Variants in RUVBL1 observed in about 807,000 individuals in gnomAD.
RUVBL1 encodes ruvB-like 1.
Under a neutral mutation model 52.4 loss-of-function variants are expected in RUVBL1, and 4 were observed. The ratio of observed to expected loss-of-function variants is 0.08; its 90% CI spans 0.04 to 0.17. The LOEUF is 0.17. Among genes scored for constraint, RUVBL1 ranks in the 10% least tolerant of loss-of-function variants. The pLI, the probability that RUVBL1 is intolerant of heterozygous loss-of-function variation, is 1.00. For synonymous variants in RUVBL1, 217 were observed against 214.4 expected, an observed-to-expected ratio of 1.01 and a Z score of -0.10; for missense variants, 298 against 572.8, an observed-to-expected ratio of 0.52 and a Z score of 4.90.
At position 128,081,402 on chromosome 3, in the gene RUVBL1, C is replaced by A. The variant is rs752496410; in HGVS notation, c.1219G>T (p.Val407Leu). 3 of 1,613,768 alleles carry A rather than the reference C, an allele frequency of 1.9e-6. No homozygotes were observed. Among genetic ancestry groups the A allele is most frequent in the South Asian group, 2.2e-5 (2 of 91,070 alleles). Residue 407 changes from valine (V) to leucine (L), a missense_variant, in exon 11 of 11, where the codon GTG (valine) becomes TTG (leucine). This residue lies in a region of RUVBL1 where 161 missense variants were observed against 298.3 expected (regional missense o/e 0.54). Transcript: ENST00000322623. The surrounding 1 kb of genome is among the most constrained non-coding windows in gnomAD (Gnocchi z 4.8). Reference sequence around the variant, plus strand: ...AAGTTGGCCGGGGTCAGCAGCTGCACTGAGTACCTAGAGTGGACAGGGGCC... The same window carrying A: ...AAGTTGGCCGGGGTCAGCAGCTGCAATGAGTACCTAGAGTGGACAGGGGCC... ...IGTKTTLRYSVQLLTPANLLA... is the reference protein window; with the variant it reads ...IGTKTTLRYSLQLLTPANLLA...
At chr3:128,122,805 T>C (rs1352189179) in intron 1 of RUVBL1, among the ~76,000 whole-genome samples, 1 of 152,220 alleles carries the variant, frequency 6.6e-6, no homozygotes, top group Non-Finnish European at 1.5e-5. Context: ...GAAATACACG[T>C]GGGTGCAAAC....
rs1033484863 is a variant in RUVBL1 at position 128,082,276 on chromosome 3, C to G, written c.1211+207G>C. The G allele has an allele frequency of 1.9e-6, 1 of 539,048 alleles. No individual in the cohort carries two copies. Among genetic ancestry groups the G allele is most frequent in the Non-Finnish European group, 3.3e-6 (1 of 299,412 alleles). 33.4% of individuals were successfully genotyped at this position (539,048 alleles called of 1,614,324 possible). A position where few individuals can be genotyped will look rare whatever the true frequency, so the allele number is the denominator to read the frequency against. On this transcript the variant is annotated intron_variant, in intron 10 of 10. Coordinates refer to ENST00000322623, the MANE Select transcript of RUVBL1 (RefSeq NM_003707.3). The surrounding 1 kb of genome is among the most constrained non-coding windows in gnomAD (Gnocchi z 4.7). The stretch of plus-strand genomic sequence containing the variant: ...GAGCATCTGCTGCAGGACATGGGGA[C>G]TTCACCCTTACTCTAGCTTGTTAAA...
rs376526086 is a variant in RUVBL1 at position 128,110,069 on chromosome 3, G to A, written c.361+2819C>T. Among the ~76,000 whole-genome samples, 111 of 151,884 alleles carry A rather than the reference G, an allele frequency of 7.3e-4. 2 individuals are homozygous for A. The highest frequency in any genetic ancestry group is 2.2e-3 in the African/African-American group (90 of 41,416). On this transcript the variant is annotated intron_variant, in intron 3 of 10. Transcript: ENST00000322623. Reference sequence around the variant, plus strand: ...TGACCTCAGGTGATCCACCGGCCTCGGCCTCCCAAAGTGCTGGGATTACAG... The same window carrying A: ...TGACCTCAGGTGATCCACCGGCCTCAGCCTCCCAAAGTGCTGGGATTACAG...
At chr3:128,153,002 G>C (rs867042508) in intron 1 of RUVBL1, among the ~76,000 whole-genome samples, 10 of 37,726 alleles carry the variant, frequency 2.7e-4, no homozygotes, top group African/African-American at 1.0e-3. Flanking sequence ...CGCCCCCCCC[G>C]CCCCCCTTCG....
At chr3:128,099,068 C>A (rs762969414) in intron 6 of RUVBL1, 123 bp from the exon 7 acceptor site, 25 of 765,444 alleles carry the variant, frequency 3.3e-5, no homozygotes, top group Middle Eastern at 2.3e-4. Flanking sequence ...CTCCTCAAAG[C>A]CTGAGGAGCT....
intron 9 of RUVBL1, chr3:128,069,705 C>A (rs750349006): frequency 6.3e-7 from 1 of 1,576,682 alleles, no homozygotes; most frequent in Admixed American, 1.7e-5. Context: ...CCAGAAGCGC[C>A]TCGGAAGGGG....
At chr3:128,147,307 T>C (rs1336270388) in intron 1 of RUVBL1, among the ~76,000 whole-genome samples, 1 of 152,092 alleles carries the variant, frequency 6.6e-6, no homozygotes, top group African/African-American at 2.4e-5. Context: ...TGGGCTCAAA[T>C]GATCTTCCCA....
At chr3:128,124,945 T>C (rs1185149651), upstream of RUVBL1, among the ~76,000 whole-genome samples, 1 of 150,416 alleles carries the variant, frequency 6.6e-6, no homozygotes, top group East Asian at 1.9e-4. Context: ...GAGTTTATGT[T>C]AGAATTGAGA....
At chr3:128,152,588 GCACT>G (rs1944238327) in intron 1 of RUVBL1, among the ~76,000 whole-genome samples, 1 of 152,164 alleles carries the variant, frequency 6.6e-6, no homozygotes, top group South Asian at 2.1e-4. Flanking sequence ...ATATTAGCGG[GCACT>G]GTAGCCCAGC....
chr3:128,089,036 C>T (rs1020934604), intron 8 of RUVBL1, among the ~76,000 whole-genome samples: 1 of 152,038 alleles, frequency 6.6e-6, no homozygotes, highest in Non-Finnish European at 1.5e-5. Flanking sequence ...ATAGCACTAC[C>T]GAGTATTCTC....
intron 9 of RUVBL1, chr3:128,068,918 A>G (rs1188436918): frequency 6.6e-6 from 1 of 152,368 alleles, no homozygotes; most frequent in African/African-American, 2.4e-5. Context: ...CCTTACCTAA[A>G]GGAAGCAACC....
upstream of RUVBL1, among the ~76,000 whole-genome samples, chr3:128,125,046 G>T (rs575637557): frequency 5.7e-4 from 51 of 89,626 alleles, 1 homozygote; most frequent in Non-Finnish European, 7.5e-4. Context: ...ACGGAGTCTT[G>T]CTTTGTGGCC....
At chr3:128,065,101 G>T (rs754918599) in exon 10 of RUVBL1, 4 of 1,525,240 alleles carry the variant, frequency 2.6e-6, no homozygotes, top group Non-Finnish European at 3.6e-6. Context: ...AATGCCTTGT[G>T]TGCAGTCCCC....
At chr3:128,125,168 T>C (rs1325282257), upstream of RUVBL1, among the ~76,000 whole-genome samples, 15 of 151,080 alleles carry the variant, frequency 9.9e-5, no homozygotes, top group Admixed American at 4.0e-4. Flanking sequence ...GCGCCCACCA[T>C]CACGCCCGGC....
chr3:128,075,812 G>C (rs1248096237), downstream of RUVBL1: 1 of 152,406 alleles, frequency 6.6e-6, no homozygotes, highest in Admixed American at 6.5e-5. Context: ...GCCCTGGAAC[G>C]CTGTGGTTTT....
At chr3:128,122,637 GA>G (rs1943675705) in intron 1 of RUVBL1, among the ~76,000 whole-genome samples, 1 of 152,206 alleles carries the variant, frequency 6.6e-6, no homozygotes, top group Non-Finnish European at 1.5e-5. Context: ...TTTCCATTTA[GA>G]AAAATCAGGC....
intron 1 of RUVBL1, among the ~76,000 whole-genome samples, chr3:128,131,349 T>C (rs766548774): frequency 2.6e-5 from 4 of 151,880 alleles, no homozygotes; most frequent in Non-Finnish European, 4.4e-5. Flanking sequence ...TGTGGTGGCA[T>C]GTGCCTGTAA....
At chr3:128,083,609 T>C (rs943213602) in intron 9 of RUVBL1, 1 of 152,262 alleles carries the variant, frequency 6.6e-6, no homozygotes, top group Non-Finnish European at 1.5e-5. Flanking sequence ...GGAAAGGCCT[T>C]GGAAAGCCCC....
At chr3:128,138,720 C>A (rs1027065454) in intron 1 of RUVBL1, among the ~76,000 whole-genome samples, 3 of 151,994 alleles carry the variant, frequency 2.0e-5, no homozygotes, top group Non-Finnish European at 2.9e-5. Context: ...TATATGCAAC[C>A]ATGAAAGACT....
Sources: allele counts gnomAD v4.1 joint callset (sites outside exome capture counted in the v4.1 genomes callset), GRCh38; gene constraint gnomAD v4.1.1; regional missense constraint gnomAD v4.1.1; non-coding constraint Gnocchi (gnomAD v3.1); transcripts MANE v1.5; gene names NCBI Gene and HGNC (gene_info 2026-07-23, HGNC 2026-07-21).